The following TAFA5 variants were observed in gnomAD, a reference collection of about 807,000 sequenced individuals.
TAFA5 encodes TAFA chemokine like family member 5.
A neutral mutation model predicts 15.3 loss-of-function variants in TAFA5; 6 were observed. The ratio of observed to expected loss-of-function variants is 0.39; its 90% CI spans 0.21 to 0.77. TAFA5 has a LOEUF of 0.77. TAFA5 is among the 30% of genes least tolerant of loss of function. The probability of loss-of-function intolerance (pLI) is 0.41; values close to 1 mark genes in which losing one functional copy is unlikely to be tolerated. For missense variants in TAFA5, 161 were observed against 193.1 expected (o/e 0.83, Z 0.98); for synonymous variants, 103 against 80.7 (o/e 1.28, Z -1.48).
rs373622309 is a variant in TAFA5 at position 48,650,704 on chromosome 22, G to A, written c.262+3958G>A. Among the ~76,000 whole-genome samples, 28 of 152,212 alleles carry A rather than the reference G, an allele frequency of 1.8e-4. No homozygotes were observed. In the East Asian group the frequency reaches 3.5e-3, roughly 19 times the overall value. The stretch of plus-strand genomic sequence containing the variant: ...GCTGTGAGCCTGTGCACCTGCATGC[G>A]AGATCCAACTTACGGAACCATCAGT... On this transcript the variant is annotated intron_variant, in intron 2 of 3. Transcript: ENST00000402357.
At chr22:48,714,477 C>T (rs951843690) in intron 3 of TAFA5, among the ~76,000 whole-genome samples, 6 of 152,304 alleles carry the variant, frequency 3.9e-5, no homozygotes, top group African/African-American at 9.6e-5. Context: ...TCCTTCCCAC[C>T]CACCACCTGG....
intron 1 of TAFA5, among the ~76,000 whole-genome samples, chr22:48,617,254 T>C (rs1292374294): frequency 1.7e-5 from 2 of 115,950 alleles, no homozygotes; most frequent in African/African-American, 5.7e-5. Context: ...AAAAGGGGCA[T>C]GAGGACAAAG....
intron 1 of TAFA5, among the ~76,000 whole-genome samples, chr22:48,627,389 G>A (rs1001642978): frequency 4.6e-5 from 7 of 152,240 alleles, no homozygotes; most frequent in East Asian, 1.9e-4. Context: ...CACAGGCGCC[G>A]AGGATGGAGA....
intron 1 of TAFA5, among the ~76,000 whole-genome samples, chr22:48,567,264 C>G (rs1923438093): frequency 6.6e-6 from 1 of 152,254 alleles, no homozygotes; most frequent in Non-Finnish European, 1.5e-5. Context: ...GTGCTGCCCG[C>G]CTGGCCTCCG....
At chr22:48,655,385 A>C (rs1271473181) in intron 2 of TAFA5, among the ~76,000 whole-genome samples, 5 of 152,200 alleles carry the variant, frequency 3.3e-5, no homozygotes, top group Non-Finnish European at 7.3e-5. Flanking sequence ...AAAGAAAAGA[A>C]ATTTATTTTA....
chr22:48,715,071 C>G (rs766961850), intron 3 of TAFA5, among the ~76,000 whole-genome samples: 72 of 152,346 alleles, frequency 4.7e-4, no homozygotes, highest in Non-Finnish European at 2.6e-4. Flanking sequence ...CTAATCATGC[C>G]TGGAAAGAAC....
intron 2 of TAFA5, among the ~76,000 whole-genome samples, chr22:48,693,703 C>T (rs954344897): frequency 2.0e-5 from 3 of 152,144 alleles, no homozygotes; most frequent in Non-Finnish European, 4.4e-5. Context: ...AGGCCTCATT[C>T]CTACTCTCTC....
chr22:48,565,215 G>C (rs1197519573), intron 1 of TAFA5, among the ~76,000 whole-genome samples: 1 of 152,208 alleles, frequency 6.6e-6, no homozygotes, highest in Non-Finnish European at 1.5e-5. Flanking sequence ...CCACTGTCAC[G>C]GCCAAGTGCT....
chr22:48,646,681 C>A lies in TAFA5; in HGVS notation c.197C>A (p.Ala66Asp). The change falls in exon 2 of 4, where the codon GCC (alanine) becomes GAC (aspartate). Residue 66 changes from alanine to aspartate, a missense_variant. Coordinates refer to ENST00000402357, the MANE Select transcript of TAFA5 (RefSeq NM_001082967.3). ...CGGAGGACGATCGCCCGGCAGACCG[C>A]CCGCTGTGCGTGTAGAAAGGGGCAG... ...QPRRTIARQTARCACRKGQIA... is the reference protein window; with the variant it reads ...QPRRTIARQTDRCACRKGQIA... 6.2e-7 allele frequency: 1 copy of A among 1,611,080 alleles called. No individual in the cohort carries two copies. Among genetic ancestry groups the A allele is most frequent in the Non-Finnish European group, 8.5e-7 (1 of 1,179,638 alleles).
intron 2 of TAFA5, among the ~76,000 whole-genome samples, chr22:48,697,529 T>C (rs1928753209): frequency 6.6e-6 from 1 of 151,876 alleles, no homozygotes; most frequent in Non-Finnish European, 1.5e-5. Flanking sequence ...ATGGTGATGG[T>C]GACAACAATG....
intron 1 of TAFA5, among the ~76,000 whole-genome samples, chr22:48,627,473 G>A (rs1402784651): frequency 6.6e-6 from 1 of 152,262 alleles, no homozygotes; most frequent in Non-Finnish European, 1.5e-5. Flanking sequence ...CACGCAAAGA[G>A]TGCCTGTGAT....
chr22:48,637,995 C>T (rs1011317719), intron 1 of TAFA5, among the ~76,000 whole-genome samples: 24 of 152,078 alleles, frequency 1.6e-4, no homozygotes, highest in African/African-American at 5.8e-4. Context: ...TCTAAACTGA[C>T]AAGACAGTCG....
At chr22:48,666,979 AG>A (rs1455893295) in intron 2 of TAFA5, among the ~76,000 whole-genome samples, 2 of 152,130 alleles carry the variant, frequency 1.3e-5, no homozygotes, top group Non-Finnish European at 2.9e-5. Context: ...CCAGCTGCAT[AG>A]GTGATTTCCA....
chr22:48,563,928 T>C (rs994931152), intron 1 of TAFA5, among the ~76,000 whole-genome samples: 4 of 152,334 alleles, frequency 2.6e-5, no homozygotes, highest in Admixed American at 1.3e-4. Flanking sequence ...CCGGGCATCC[T>C]TGTCCTTCCT....
At position 48,536,511 on chromosome 22, in the gene TAFA5, A is replaced by G. The variant is rs562801992; in HGVS notation, c.112+46807A>G. On this transcript the variant is annotated intron_variant, in intron 1 of 3. Coordinates refer to ENST00000402357, the MANE Select transcript of TAFA5 (RefSeq NM_001082967.3). ...ATGGCTCAGGCGTGCGCCGTGGCTG[A>G]CGAGTTGTCAGGAATTCATGGCAGG... Among the ~76,000 whole-genome samples, 5 of 152,338 alleles carry G rather than the reference A, an allele frequency of 3.3e-5. No homozygotes were observed. In the East Asian group the frequency reaches 7.7e-4, roughly 24 times the overall value.
intron 1 of TAFA5, among the ~76,000 whole-genome samples, chr22:48,614,975 T>C (rs939915022): frequency 2.0e-5 from 3 of 152,170 alleles, no homozygotes; most frequent in African/African-American, 7.2e-5. Context: ...AGCCACGCAC[T>C]GTAAGAACTC....
intron 2 of TAFA5, among the ~76,000 whole-genome samples, chr22:48,667,766 ACTGGGAGCTGTAATCCC>A (rs1927668494): frequency 1.0e-5 from 1 of 97,098 alleles, no homozygotes; most frequent in African/African-American, 3.8e-5. Context: ...CCGCGTCTTC[ACTGGGAGCTGTAATCCC>A]CCAGCACTCA....
chr22:48,662,792 G>A (rs566054311), intron 2 of TAFA5, among the ~76,000 whole-genome samples: 101 of 152,342 alleles, frequency 6.6e-4, no homozygotes, highest in African/African-American at 2.2e-3. Context: ...GGCCCTAGGC[G>A]ATGGGCACCC....
intron 1 of TAFA5, among the ~76,000 whole-genome samples, chr22:48,643,823 G>C (rs1448711005): frequency 1.3e-5 from 2 of 152,228 alleles, no homozygotes; most frequent in Non-Finnish European, 2.9e-5. Flanking sequence ...ATGAGTCTCT[G>C]CTGGGGCTGA....
Sources: gnomAD v4.1 joint callset for allele counts (sites outside exome capture counted in the v4.1 genomes callset) on GRCh38, gnomAD v4.1.1 for gene constraint, MANE v1.5 for transcripts, NCBI Gene and HGNC (gene_info 2026-07-23, HGNC 2026-07-21) for gene names.